FRRS1L: variants seen among roughly 807,000 people sequenced by gnomAD.
The protein encoded by FRRS1L is ferric chelate reductase 1 like.
A neutral mutation model predicts 28.6 loss-of-function variants in FRRS1L; 22 were observed. The ratio of observed to expected loss-of-function variants is 0.77; its 90% CI spans 0.55 to 1.10. FRRS1L has a LOEUF of 1.10. Ranked by LOEUF, FRRS1L falls within the 50% of genes least tolerant of loss-of-function variation. The pLI, the probability that FRRS1L is intolerant of heterozygous loss-of-function variation, is 0.00. For synonymous variants in FRRS1L, 158 were observed against 151.4 expected (o/e 1.04, Z -0.32); for missense variants, 380 against 386.9 (o/e 0.98, Z 0.15).
chr9:109,163,083 G>C (rs1309980613), intron 1 of FRRS1L, among the ~76,000 whole-genome samples: 1 of 152,212 alleles, frequency 6.6e-6, no homozygotes, highest in Non-Finnish European at 1.5e-5. Flanking sequence ...TAGCAGCAGG[G>C]AGAAGCAAGC....
intron 4 of FRRS1L, 175 bp downstream of exon 4, chr9:109,141,168 G>T: frequency 1.5e-6 from 1 of 648,630 alleles, no homozygotes; most frequent in Non-Finnish European, 2.6e-6. Flanking sequence ...CGTATAATAA[G>T]TCCATTATAA....
At chr9:109,146,891 C>T (rs1385462833) in intron 3 of FRRS1L, among the ~76,000 whole-genome samples, 160 bp downstream of exon 3, 1 of 152,190 alleles carries the variant, frequency 6.6e-6, no homozygotes, top group Non-Finnish European at 1.5e-5. Context: ...ATAGCCAACC[C>T]TTTCATTTAA....
rs1020048584 is a variant in FRRS1L, at chr9:109,133,663, TA to T, written c.*3791del. ...CAGTTTTTTCATCTGTAAAATTGGA[TA>T]AATAATAGAATCTACTTCCTATGGT... On this transcript the variant is annotated 3_prime_UTR_variant, in exon 5 of 5. Transcript: ENST00000561981. 2 of 152,258 alleles carry T rather than the reference TA, an allele frequency of 1.3e-5. No homozygotes were observed. Among genetic ancestry groups the T allele is most frequent in the African/African-American group, 4.8e-5 (2 of 41,472 alleles). The allele number at this position is 152,258 out of a possible 1,614,324, so 9.4% of individuals were successfully genotyped here.
At chr9:109,158,140 T>C (rs1831433623) in intron 1 of FRRS1L, among the ~76,000 whole-genome samples, 1 of 152,226 alleles carries the variant, frequency 6.6e-6, no homozygotes. Context: ...GGAGCTTTCT[T>C]GGTTGGAAGA....
chr9:109,149,726 C>T lies in FRRS1L; in HGVS notation c.239-6G>A. ...AGCAGTAGGGAAGGGGTAACCTGGG[C>T]AGTGAGAATAAAGAAGGGTTAGAAA... On this transcript the variant is annotated splice_polypyrimidine_tract_variant and splice_region_variant and intron_variant, in intron 1 of 4. Transcript: ENST00000561981. The T allele has an allele frequency of 6.3e-7, 1 of 1,599,320 alleles. No homozygotes were observed. The highest frequency in any genetic ancestry group is 8.6e-7 in the Non-Finnish European group (1 of 1,167,006).
At chr9:109,166,746 C>T (rs1831555196) in intron 1 of FRRS1L, among the ~76,000 whole-genome samples, 155 bp downstream of exon 1, 2 of 151,906 alleles carry the variant, frequency 1.3e-5, no homozygotes, top group Non-Finnish European at 2.9e-5. Flanking sequence ...GGGCACTGCG[C>T]TCCCCATCCT....
At chr9:109,141,063 C>A in intron 4 of FRRS1L, 1 of 474,858 alleles carries the variant, frequency 2.1e-6, no homozygotes, top group South Asian at 2.5e-5. Context: ...CTACATACAG[C>A]AGATACATGA....
At chr9:109,149,303 C>T (rs886133419) in intron 2 of FRRS1L, among the ~76,000 whole-genome samples, 13 of 152,184 alleles carry the variant, frequency 8.5e-5, no homozygotes, top group Non-Finnish European at 4.4e-5. Flanking sequence ...CATTGCCTGT[C>T]CTGCCCACAG....
At chr9:109,145,361 T>C (rs1050967197) in intron 3 of FRRS1L, among the ~76,000 whole-genome samples, 8 of 152,152 alleles carry the variant, frequency 5.3e-5, no homozygotes, top group African/African-American at 1.9e-4. Context: ...AATTCGTAAC[T>C]TCCCTGATGT....
rs1831053651 is a variant in FRRS1L, at chr9:109,131,213, A to C, written c.*6242T>G. Reference sequence around the variant, plus strand: ...GGTTGCATCAACATGCCAGTTACTCAGCTAACACTAGTCTTGGTTTCTTAA... The same window carrying C: ...GGTTGCATCAACATGCCAGTTACTCCGCTAACACTAGTCTTGGTTTCTTAA... On this transcript the variant is annotated 3_prime_UTR_variant, in exon 5 of 5. Transcript: ENST00000561981. 1 of 152,262 alleles carries C rather than the reference A, an allele frequency of 6.6e-6. No individual in the cohort carries two copies. Among genetic ancestry groups the C allele is most frequent in the African/African-American group, 2.4e-5 (1 of 41,472 alleles). The allele number at this position is 152,262 out of a possible 1,614,324, so 9.4% of individuals were successfully genotyped here.
intron 1 of FRRS1L, among the ~76,000 whole-genome samples, chr9:109,156,805 G>A (rs908234759): frequency 1.3e-5 from 2 of 151,472 alleles, no homozygotes; most frequent in Non-Finnish European, 2.9e-5. Context: ...CCTCACCCCG[G>A]GACTACAGGC....
intron 1 of FRRS1L, among the ~76,000 whole-genome samples, chr9:109,161,381 G>GT (rs1196567821): frequency 6.6e-6 from 1 of 152,158 alleles, no homozygotes; most frequent in Non-Finnish European, 1.5e-5. Flanking sequence ...AAAAAAGGGT[G>GT]TATCAATTCT....
intron 1 of FRRS1L, chr9:109,151,479 G>A (rs145391402): frequency 6.1e-6 from 1 of 163,348 alleles, no homozygotes; most frequent in African/African-American, 2.4e-5. Context: ...AACTGCATAT[G>A]TGAAGGATGT....
intron 2 of FRRS1L, 32 bp downstream of exon 2, chr9:109,149,604 C>G: frequency 1.4e-6 from 2 of 1,444,470 alleles, no homozygotes; most frequent in East Asian, 4.5e-5. Context: ...CAGTCTTAGC[C>G]TTAAAGTTAT....
rs541629665 is a variant in FRRS1L, at chr9:109,158,629, T to C, written c.238+8272A>G. Among the ~76,000 whole-genome samples, 12 of 152,338 alleles carry C rather than the reference T, an allele frequency of 7.9e-5. No homozygotes were observed. In the East Asian group the frequency reaches 1.7e-3, roughly 22 times the overall value. Reference sequence around the variant, plus strand: ...GTCTGACCTCCTTCACTTAGCATAATATTTTCAAGGTTCATTACATGGTAG... The same window carrying C: ...GTCTGACCTCCTTCACTTAGCATAACATTTTCAAGGTTCATTACATGGTAG... On this transcript the variant is annotated intron_variant, in intron 1 of 4. Transcript: ENST00000561981.
intron 1 of FRRS1L, among the ~76,000 whole-genome samples, chr9:109,157,952 C>T (rs770957464): frequency 6.6e-6 from 1 of 152,154 alleles, no homozygotes; most frequent in Non-Finnish European, 1.5e-5. Flanking sequence ...TGCATATGTA[C>T]GTGATCAAAA....
intron 1 of FRRS1L, among the ~76,000 whole-genome samples, chr9:109,155,630 G>C (rs1382782206): frequency 6.6e-6 from 1 of 151,760 alleles, no homozygotes; most frequent in Non-Finnish European, 1.5e-5. Context: ...CTTGAACCTG[G>C]GAGGTGGAGG....
At chr9:109,147,441 G>A (rs963933230) in intron 2 of FRRS1L, 17 of 390,212 alleles carry the variant, frequency 4.4e-5, no homozygotes, top group East Asian at 2.6e-4. Flanking sequence ...TGAAGTCAGC[G>A]GTTGCAACAG....
At chr9:109,149,561 C>T in intron 2 of FRRS1L, 75 bp downstream of exon 2, 2 of 972,500 alleles carry the variant, frequency 2.1e-6, no homozygotes, top group East Asian at 2.4e-5. Context: ...GAAGGAACTG[C>T]ATGCAATTTA....
Sources: gnomAD v4.1 joint callset for allele counts (sites outside exome capture counted in the v4.1 genomes callset) on GRCh38, gnomAD v4.1.1 for gene constraint, MANE v1.5 for transcripts, NCBI Gene and HGNC (gene_info 2026-07-23, HGNC 2026-07-21) for gene names.